ESYT2: variants seen among roughly 807,000 people sequenced by gnomAD.
The protein encoded by ESYT2 is extended synaptotagmin-2.
A neutral mutation model predicts 107.2 loss-of-function variants in ESYT2; 54 were observed. The observed-to-expected ratio is 0.50, with a 90% CI of 0.40 to 0.63. ESYT2 has a LOEUF of 0.63. Ranked by LOEUF, ESYT2 falls within the 30% of genes least tolerant of loss-of-function variation. The pLI is 0.00. For synonymous variants in ESYT2, 491 were observed against 434.1 expected, an observed-to-expected ratio of 1.13 and a Z score of -1.63; for missense variants, 1,020 against 1,094.5, an observed-to-expected ratio of 0.93 and a Z score of 0.96.
At chr7:158,786,563 C>G (rs963334912) in intron 6 of ESYT2, among the ~76,000 whole-genome samples, 17 of 152,084 alleles carry the variant, frequency 1.1e-4, no homozygotes, top group African/African-American at 4.1e-4. Flanking sequence ...AAAATCGATT[C>G]AAAATAAGCC....
chr7:158,814,826 C>G (rs949432577), intron 1 of ESYT2, among the ~76,000 whole-genome samples: 34 of 152,216 alleles, frequency 2.2e-4, no homozygotes, highest in Admixed American at 2.1e-3. Context: ...CAGGGTCTCT[C>G]AGACCTTAGC....
intron 6 of ESYT2, among the ~76,000 whole-genome samples, chr7:158,782,390 G>GTGT (rs1243580399): frequency 2.0e-5 from 3 of 149,378 alleles, no homozygotes; most frequent in Non-Finnish European, 3.0e-5. Context: ...AGTGAGGTAA[G>GTGT]AACGAGAACA....
intron 6 of ESYT2, among the ~76,000 whole-genome samples, chr7:158,775,055 G>A (rs576972938): frequency 7.9e-5 from 12 of 152,320 alleles, no homozygotes; most frequent in Admixed American, 7.8e-4. Flanking sequence ...ATTGTGGGCT[G>A]GGTTCTAGAG....
chr7:158,794,669 G>A (rs1342732930), intron 3 of ESYT2, among the ~76,000 whole-genome samples: 4 of 150,568 alleles, frequency 2.7e-5, no homozygotes, highest in Non-Finnish European at 4.4e-5. Context: ...CCAGCTACTC[G>A]GGAGGCTGTG....
intron 1 of ESYT2, chr7:158,827,589 G>C (rs1254303390): frequency 6.6e-6 from 1 of 152,180 alleles, no homozygotes. Flanking sequence ...CGCATCGGCA[G>C]AACTGTACAT....
At chr7:158,770,475 A>G (rs1323765166) in intron 7 of ESYT2, among the ~76,000 whole-genome samples, 1 of 151,230 alleles carries the variant, frequency 6.6e-6, no homozygotes, top group Non-Finnish European at 1.5e-5. Context: ...AGGTAAGTAT[A>G]TATTTTTAAT....
intron 1 of ESYT2, among the ~76,000 whole-genome samples, chr7:158,804,895 C>T (rs182257436): frequency 2.0e-5 from 3 of 152,304 alleles, no homozygotes; most frequent in African/African-American, 7.2e-5. Context: ...GTGTCCTGCA[C>T]TGGAGGGAAG....
intron 6 of ESYT2, among the ~76,000 whole-genome samples, chr7:158,780,175 A>G (rs1193607845): frequency 2.0e-5 from 3 of 152,154 alleles, no homozygotes; most frequent in African/African-American, 2.4e-5. Context: ...ACTGGCCTTT[A>G]TTTTCCTCAC....
At chr7:158,798,220 A>G (rs2952820) in intron 2 of ESYT2, 144 bp from the exon 3 acceptor site, 564,267 of 785,424 alleles carry the variant, frequency 0.72, 211,279 homozygotes, top group Non-Finnish European at 0.78. Context: ...CAAAATCAAC[A>G]TGATCTAAAT....
At chr7:158,768,227 C>T (rs1838231948) in intron 7 of ESYT2, among the ~76,000 whole-genome samples, 1 of 152,094 alleles carries the variant, frequency 6.6e-6, no homozygotes, top group African/African-American at 2.4e-5. Flanking sequence ...ATTCATTGGC[C>T]CATTCATGTT....
chr7:158,791,153 T>C (rs886559530), intron 4 of ESYT2, among the ~76,000 whole-genome samples: 1 of 152,212 alleles, frequency 6.6e-6, no homozygotes, highest in Non-Finnish European at 1.5e-5. Flanking sequence ...CTTCTGTCTA[T>C]GAGTTTGACT....
intron 17 of ESYT2, 56 bp downstream of exon 17, chr7:158,743,473 C>A: frequency 6.4e-7 from 1 of 1,564,082 alleles, no homozygotes; most frequent in Non-Finnish European, 8.6e-7. Flanking sequence ...ATGAGTATCC[C>A]TGCCAGCACC....
chr7:158,762,058 T>G (rs1837986785), intron 10 of ESYT2, among the ~76,000 whole-genome samples: 1 of 152,076 alleles, frequency 6.6e-6, no homozygotes, highest in African/African-American at 2.4e-5. Context: ...CATGCTGCAT[T>G]GAGCCCGATG....
At chr7:158,743,482 C>G in intron 17 of ESYT2, 47 bp downstream of exon 17, 2 of 1,566,524 alleles carry the variant, frequency 1.3e-6, no homozygotes, top group Non-Finnish European at 1.7e-6. Flanking sequence ...CCTGCCAGCA[C>G]CCGCCTCCCC....
At chr7:158,819,101 G>A (rs1286914022) in intron 1 of ESYT2, among the ~76,000 whole-genome samples, 1 of 152,186 alleles carries the variant, frequency 6.6e-6, no homozygotes, top group African/African-American at 2.4e-5. Context: ...ACAGCACAGG[G>A]GAAGAAAAGC....
rs914823879 is a variant in ESYT2, at chr7:158,735,530, C to T, written c.2478G>A (p.Leu826=). ...TGCCAAGGAGCCCTTTGTCTTTGGA[C>T]AGGAAGCCGCCACTGTTCTTCACGG... is the stretch of plus-strand genomic sequence containing the variant. ...DVAVKNSGGF[L]SKDKGLLGKV... is the part of the protein sequence containing the mutation. The change falls in exon 21 of 23, where the codon CTG becomes CTA. Residue 826 remains leucine (L), a synonymous_variant. Transcript: ENST00000275418. The T allele has an allele frequency of 6.2e-7, 1 of 1,614,148 alleles. No homozygotes were observed. The highest frequency in any genetic ancestry group is 1.3e-5 in the African/African-American group (1 of 75,056).
chr7:158,786,791 A>G (rs1297883783), intron 6 of ESYT2, among the ~76,000 whole-genome samples: 1 of 152,186 alleles, frequency 6.6e-6, no homozygotes, highest in Non-Finnish European at 1.5e-5. Context: ...TTAAATTACA[A>G]ATGATGTTGA....
intron 1 of ESYT2, among the ~76,000 whole-genome samples, chr7:158,825,489 T>C (rs1840414420): frequency 1.3e-5 from 2 of 152,308 alleles, no homozygotes; most frequent in East Asian, 3.9e-4. Flanking sequence ...AAGTGAAGAA[T>C]AACAACACTG....
chr7:158,752,575 C>G (rs1283393605), intron 14 of ESYT2, among the ~76,000 whole-genome samples: 1 of 152,190 alleles, frequency 6.6e-6, no homozygotes, highest in Non-Finnish European at 1.5e-5. Context: ...ATTTATCATA[C>G]TAGTACTTTA....
Sources: allele counts gnomAD v4.1 joint callset (sites outside exome capture counted in the v4.1 genomes callset), GRCh38; gene constraint gnomAD v4.1.1; transcripts MANE v1.5; gene names NCBI Gene and HGNC (gene_info 2026-07-23, HGNC 2026-07-21).